The following OSBPL6 variants were observed in gnomAD, a reference collection of about 807,000 sequenced individuals.
OSBPL6 encodes the protein oxysterol binding protein like 6, also known as oxysterol-binding protein-related protein 6.
OSBPL6 carries 49 observed loss-of-function variants against 125.8 expected under a neutral mutation model. The ratio of observed to expected loss-of-function variants is 0.39; its 90% CI spans 0.31 to 0.49. The LOEUF (loss-of-function observed/expected upper bound fraction) is 0.49. Among genes scored for constraint, OSBPL6 ranks in the 20% least tolerant of loss-of-function variants. The pLI, the probability that OSBPL6 is intolerant of heterozygous loss-of-function variation, is 0.88. For missense variants in OSBPL6, 986 were observed against 1,135.4 expected (o/e 0.87, Z 1.89); for synonymous variants, 394 against 391.8 (o/e 1.01, Z -0.07).
chr2:178,344,263 C>T (rs1458384530), intron 11 of OSBPL6: 1 of 1,605,430 alleles, frequency 6.2e-7, no homozygotes, highest in South Asian at 1.1e-5. Context: ...TGTTTCCTCC[C>T]CTCTTCTCCC....
chr2:178,344,719 C>T (rs1465388027), intron 11 of OSBPL6, among the ~76,000 whole-genome samples: 3 of 151,648 alleles, frequency 2.0e-5, no homozygotes, highest in Non-Finnish European at 4.4e-5. Context: ...TAACTGATTT[C>T]TCTTTTCCTA....
At chr2:178,316,895 T>C (rs4894008) in intron 3 of OSBPL6, among the ~76,000 whole-genome samples, 26,324 of 151,878 alleles carry the variant, frequency 0.17, 2,483 homozygotes, top group Admixed American at 0.24. Context: ...GTATTGCTAA[T>C]TGAAACCAAA....
intron 1 of OSBPL6, among the ~76,000 whole-genome samples, chr2:178,261,318 A>G (rs1420692332): frequency 1.3e-5 from 2 of 151,652 alleles, no homozygotes; most frequent in African/African-American, 2.4e-5. Context: ...GTGGTCACGT[A>G]GTTGTATACA....
chr2:178,374,127 G>GT (rs1470859212), intron 15 of OSBPL6, 100 bp downstream of exon 15: 12 of 1,384,082 alleles, frequency 8.7e-6, no homozygotes, highest in Non-Finnish European at 6.9e-6. Flanking sequence ...ACTTTCATTT[G>GT]TTTTTTTGTT....
intron 1 of OSBPL6, among the ~76,000 whole-genome samples, chr2:178,262,580 T>C (rs1459381364): frequency 6.6e-6 from 1 of 152,168 alleles, no homozygotes; most frequent in Non-Finnish European, 1.5e-5. Context: ...AGAAAAATAT[T>C]AATATTTTGA....
At chr2:178,334,662 TGGGATTACGG>T (rs1246865788) in intron 8 of OSBPL6, among the ~76,000 whole-genome samples, 2 of 152,160 alleles carry the variant, frequency 1.3e-5, no homozygotes, top group Non-Finnish European at 2.9e-5. Flanking sequence ...CAGAGTAAGC[TGGGATTACGG>T]GTGCCTACCA....
chr2:178,239,392 T>G (rs187493263), intron 1 of OSBPL6, among the ~76,000 whole-genome samples: 197 of 152,094 alleles, frequency 1.3e-3, no homozygotes, highest in Non-Finnish European at 9.1e-4. Context: ...AGACCTCATC[T>G]CTACAAAAAA....
At chr2:178,330,783 C>T (rs937326666) in intron 5 of OSBPL6, among the ~76,000 whole-genome samples, 3 of 152,106 alleles carry the variant, frequency 2.0e-5, no homozygotes, top group Non-Finnish European at 4.4e-5. Context: ...ATTCTTTGAC[C>T]GGGCCCTGGG....
chr2:178,270,006 T>G (rs1172109063), intron 1 of OSBPL6, among the ~76,000 whole-genome samples: 1 of 152,206 alleles, frequency 6.6e-6, no homozygotes, highest in African/African-American at 2.4e-5. Flanking sequence ...GGGCGGACGA[T>G]AACACACTGG....
chr2:178,271,455 C>T (rs922964198), intron 1 of OSBPL6, among the ~76,000 whole-genome samples: 2 of 152,058 alleles, frequency 1.3e-5, no homozygotes, highest in African/African-American at 4.8e-5. Context: ...AGAAATTCGG[C>T]TGCTTAACAA....
chr2:178,340,395 C>T (rs1198470822), intron 11 of OSBPL6, among the ~76,000 whole-genome samples: 1 of 152,070 alleles, frequency 6.6e-6, no homozygotes, highest in East Asian at 1.9e-4. Flanking sequence ...TTTCAACAAT[C>T]ACCTTAAAAT....
chr2:178,395,675 C>T lies in OSBPL6; in HGVS notation c.*116C>T. ...GGGTCAACTGAAAACCTACCATTTG[C>T]TTTTCTATTCATCTTTATAATGGAC... is the stretch of plus-strand genomic sequence containing the variant. On this transcript the variant is annotated 3_prime_UTR_variant, in exon 25 of 25. Transcript: ENST00000190611. 1.5e-6 allele frequency: 1 copy of T among 667,344 alleles called. No individual in the cohort carries two copies. Among genetic ancestry groups the T allele is most frequent in the Non-Finnish European group, 2.5e-6 (1 of 405,120 alleles). 41.3% of individuals were successfully genotyped at this position (667,344 alleles called of 1,614,324 possible).
At chr2:178,351,472 G>A (rs1270745937) in intron 12 of OSBPL6, among the ~76,000 whole-genome samples, 1 of 151,816 alleles carries the variant, frequency 6.6e-6, no homozygotes, top group African/African-American at 2.4e-5. Context: ...AAGAAATCAA[G>A]ATCTATCCTA....
intron 12 of OSBPL6, among the ~76,000 whole-genome samples, chr2:178,350,113 T>A (rs1691115883): frequency 6.6e-6 from 1 of 152,208 alleles, no homozygotes; most frequent in African/African-American, 2.4e-5. Flanking sequence ...TGAGGGGAAA[T>A]TGATCCCACA....
intron 2 of OSBPL6, among the ~76,000 whole-genome samples, chr2:178,292,180 G>A (rs554088838): frequency 8.9e-4 from 135 of 151,510 alleles, no homozygotes; most frequent in African/African-American, 3.1e-3. Flanking sequence ...CTTTTAACCC[G>A]TCTTCTCAAA....
At chr2:178,335,924 G>T (rs905683915) in intron 8 of OSBPL6, among the ~76,000 whole-genome samples, 1 of 152,182 alleles carries the variant, frequency 6.6e-6, no homozygotes, top group African/African-American at 2.4e-5. Flanking sequence ...GGTCATAAGG[G>T]TACAGAAACC....
intron 2 of OSBPL6, among the ~76,000 whole-genome samples, chr2:178,293,001 G>A (rs1685421454): frequency 2.5e-5 from 1 of 39,818 alleles, no homozygotes; most frequent in Non-Finnish European, 9.9e-5. Context: ...ATTTTCAAAT[G>A]TCTATTTTTT....
chr2:178,297,273 T>C (rs1190376566), intron 2 of OSBPL6, among the ~76,000 whole-genome samples: 1 of 152,156 alleles, frequency 6.6e-6, no homozygotes, highest in African/African-American at 2.4e-5. Context: ...ATGTGGATTA[T>C]TTTGGGTTAT....
rs1688883959 is a variant in OSBPL6 at position 178,328,390 on chromosome 2, A to G, written c.318+12A>G. On this transcript the variant is annotated intron_variant, in intron 5 of 24. Transcript: ENST00000190611. ...AAGGCTGGCACAAGGTAACATTTTT[A>G]TCATATTCAGGTTCAGACCATCTTC... is the stretch of plus-strand genomic sequence containing the variant. 2 of 1,611,124 alleles carry G rather than the reference A, an allele frequency of 1.2e-6. No homozygotes were observed. The highest frequency in any genetic ancestry group is 2.2e-5 in the East Asian group (1 of 44,856).
Sources: allele counts gnomAD v4.1 joint callset (sites outside exome capture counted in the v4.1 genomes callset), GRCh38; gene constraint gnomAD v4.1.1; transcripts MANE v1.5; gene names NCBI Gene and HGNC (gene_info 2026-07-23, HGNC 2026-07-21).